PTPRD: variants seen among roughly 807,000 people sequenced by gnomAD.
PTPRD encodes the protein receptor-type tyrosine-protein phosphatase delta.
A neutral mutation model predicts 214.5 loss-of-function variants in PTPRD; 34 were observed. The ratio of observed to expected loss-of-function variants is 0.16; its 90% CI spans 0.12 to 0.21. PTPRD has a LOEUF of 0.21. PTPRD is among the 10% of genes least tolerant of loss of function. The pLI, the probability that PTPRD is intolerant of heterozygous loss-of-function variation, is 1.00. For synonymous variants in PTPRD, 1,128 were observed against 845.7 expected, an observed-to-expected ratio of 1.33 and a Z score of -5.79; for missense variants, 2,545 against 2,398.7, an observed-to-expected ratio of 1.06 and a Z score of -1.27.
intron 2 of PTPRD, among the ~76,000 whole-genome samples, chr9:10,545,994 G>T (rs1233047912): frequency 1.3e-5 from 2 of 152,094 alleles, no homozygotes; most frequent in Non-Finnish European, 2.9e-5. Flanking sequence ...ATAAGAAGTA[G>T]TGCAAACAAA....
At chr9:9,365,002 C>T (rs1393446697) in intron 9 of PTPRD, among the ~76,000 whole-genome samples, 1 of 151,446 alleles carries the variant, frequency 6.6e-6, no homozygotes. Flanking sequence ...ACAGGATTCT[C>T]TGATGAACTG....
At chr9:8,952,453 C>CTAAACA (rs1334877743) in intron 11 of PTPRD, among the ~76,000 whole-genome samples, 6 of 151,938 alleles carry the variant, frequency 3.9e-5, no homozygotes, top group African/African-American at 1.4e-4. Context: ...ACCATATCAA[C>CTAAACA]TAAACATAAC....
intron 14 of PTPRD, among the ~76,000 whole-genome samples, chr9:8,612,832 A>G (rs758060336): frequency 4.6e-5 from 7 of 152,294 alleles, no homozygotes; most frequent in Non-Finnish European, 1.0e-4. Flanking sequence ...ATGCAAGACT[A>G]TTAGCATGTT....
intron 5 of PTPRD, among the ~76,000 whole-genome samples, chr9:9,781,319 CTG>C (rs1165282807): frequency 3.3e-5 from 5 of 152,062 alleles, no homozygotes; most frequent in African/African-American, 1.2e-4. Flanking sequence ...ACATCTAACA[CTG>C]TTCTAAAAAT....
chr9:9,504,434 T>C (rs188207743), intron 8 of PTPRD, among the ~76,000 whole-genome samples: 1 of 151,652 alleles, frequency 6.6e-6, no homozygotes, highest in African/African-American at 2.4e-5. Context: ...CCATTCCAAA[T>C]GTATCTTAAG....
intron 3 of PTPRD, among the ~76,000 whole-genome samples, chr9:10,246,791 G>C (rs989985863): frequency 6.6e-6 from 1 of 151,774 alleles, no homozygotes; most frequent in East Asian, 1.9e-4. Context: ...CTACTCGAGA[G>C]GCTGAGGCAG....
intron 9 of PTPRD, among the ~76,000 whole-genome samples, chr9:9,224,522 C>T (rs2099958174): frequency 6.6e-6 from 1 of 151,918 alleles, no homozygotes; most frequent in Non-Finnish European, 1.5e-5. Flanking sequence ...TAAAATATCT[C>T]TGCTCTAGTT....
chr9:10,279,372 T>C (rs2094952223), intron 3 of PTPRD, among the ~76,000 whole-genome samples: 1 of 152,190 alleles, frequency 6.6e-6, no homozygotes, highest in South Asian at 2.1e-4. Flanking sequence ...CAGAAATGCA[T>C]GACCCTTTAG....
At chr9:9,360,790 CATTGAAAAAGATTTCCAAGTG>C (rs2055816915) in intron 9 of PTPRD, among the ~76,000 whole-genome samples, 1 of 150,934 alleles carries the variant, frequency 6.6e-6, no homozygotes, top group Admixed American at 6.6e-5. Context: ...TAGATACATT[CATTGAAAAAGATTTCCAAGTG>C]TATTATGTGA....
chr9:8,917,638 G>C (rs1441717252), intron 11 of PTPRD, among the ~76,000 whole-genome samples: 1 of 151,944 alleles, frequency 6.6e-6, no homozygotes, highest in Non-Finnish European at 1.5e-5. Context: ...AACTCTTGTT[G>C]TCCTCTGTAT....
At chr9:9,868,936 G>GA (rs1165523300) in intron 5 of PTPRD, among the ~76,000 whole-genome samples, 4 of 151,328 alleles carry the variant, frequency 2.6e-5, no homozygotes, top group Non-Finnish European at 4.4e-5. Context: ...CATTGACAAG[G>GA]AAAAAAAAGA....
chr9:10,386,392 C>A (rs991403340), intron 2 of PTPRD, among the ~76,000 whole-genome samples: 5 of 151,820 alleles, frequency 3.3e-5, no homozygotes, highest in African/African-American at 9.7e-5. Flanking sequence ...CTATATTTAT[C>A]TCTTCCTCCA....
intron 3 of PTPRD, among the ~76,000 whole-genome samples, chr9:10,325,929 AT>A (rs945656541): frequency 1.3e-5 from 2 of 151,808 alleles, no homozygotes; most frequent in Non-Finnish European, 1.5e-5. Context: ...CACTGTAATA[AT>A]TTTTTTATGT....
At chr9:9,779,099 A>G (rs983114776) in intron 5 of PTPRD, among the ~76,000 whole-genome samples, 1 of 148,744 alleles carries the variant, frequency 6.7e-6, no homozygotes, top group African/African-American at 2.5e-5. Context: ...AAAAAAAAAA[A>G]AAAAAGCAAT....
rs552925367 is a variant in PTPRD at position 10,606,039 on chromosome 9, C to G, written c.-600+6359G>C. The stretch of plus-strand genomic sequence containing the variant: ...GTAGTGCATAATGTGAATATGGTAC[C>G]TGAATTATTGTCCTATCCTTGATTT... On this transcript the variant is annotated intron_variant, in intron 2 of 45. Coordinates refer to ENST00000381196, the MANE Select transcript of PTPRD (RefSeq NM_002839.4). Among the ~76,000 whole-genome samples the G allele has an allele frequency of 2.6e-5, 4 of 151,804 alleles. No individual in the cohort carries two copies. The East Asian group carries it at 7.8e-4, about 29-fold the overall frequency.
intron 11 of PTPRD, among the ~76,000 whole-genome samples, chr9:8,735,772 C>T (rs10977268): frequency 0.23 from 34,465 of 151,700 alleles, 4,216 homozygotes; most frequent in East Asian, 0.52. Flanking sequence ...ATTAGCCAGG[C>T]GTGGTGGTGC....
rs954296076 is a variant in PTPRD, at chr9:9,388,695, TA to T, written c.-203+8753del. Among the ~76,000 whole-genome samples the T allele has an allele frequency of 3.0e-4, 45 of 152,238 alleles. No homozygotes were observed. In the East Asian group the frequency reaches 4.1e-3, roughly 14 times the overall value. ...TAAATATACGAGCTGAAATCTGCCA[TA>T]AAAAAATTAAATAAAAATATTTTAT... is the stretch of plus-strand genomic sequence containing the variant. On this transcript the variant is annotated intron_variant, in intron 9 of 45. Coordinates refer to ENST00000381196, the MANE Select transcript of PTPRD (RefSeq NM_002839.4).
At position 8,317,667 on chromosome 9, in the gene PTPRD, C is replaced by CATT. The variant is rs1342567583; in HGVS notation, c.*204_*206dup. On this transcript the variant is annotated 3_prime_UTR_variant, in exon 46 of 46. Transcript: ENST00000381196. ...ATGCCTCATCAGTCAGGATTCTCTTCATTATTTTTCAGGTTAGATTATTAA... is the reference window on the plus strand; with the variant it reads ...ATGCCTCATCAGTCAGGATTCTCTTCATTATTATTTTTCAGGTTAGATTATTAA... 1 of 424,182 alleles carries CATT rather than the reference C, an allele frequency of 2.4e-6. No homozygotes were observed. Among genetic ancestry groups the CATT allele is most frequent in the Non-Finnish European group, 4.4e-6 (1 of 229,254 alleles). The allele number at this position is 424,182 out of a possible 1,614,324, so 26.3% of individuals were successfully genotyped here.
At chr9:9,340,634 T>G (rs536020850) in intron 9 of PTPRD, among the ~76,000 whole-genome samples, 1 of 152,262 alleles carries the variant, frequency 6.6e-6, no homozygotes, top group African/African-American at 2.4e-5. Flanking sequence ...CAATATCTGT[T>G]AGAACTAAAG....
Sources: gnomAD v4.1 joint callset for allele counts (sites outside exome capture counted in the v4.1 genomes callset) on GRCh38, gnomAD v4.1.1 for gene constraint, MANE v1.5 for transcripts, NCBI Gene and HGNC (gene_info 2026-07-23, HGNC 2026-07-21) for gene names.